Variants in KCNQ5 observed in about 807,000 individuals in gnomAD.
KCNQ5 encodes the protein potassium voltage-gated channel subfamily Q member 5.
In KCNQ5, 30 loss-of-function variants were observed where a neutral mutation model predicts 98.2. The observed-to-expected ratio is 0.31, with a 90% CI of 0.23 to 0.41. KCNQ5 has a LOEUF of 0.41. Among genes scored for constraint, KCNQ5 ranks in the 10% least tolerant of loss-of-function variants. The probability of loss-of-function intolerance (pLI) is 1.00; values close to 1 mark genes in which losing one functional copy is unlikely to be tolerated. For synonymous variants in KCNQ5, 458 were observed against 449.4 expected (o/e 1.02, Z -0.24); for missense variants, 835 against 1,182.5 (o/e 0.71, Z 4.31).
At chr6:72,926,602 A>G (rs1342036603) in intron 1 of KCNQ5, among the ~76,000 whole-genome samples, 4 of 152,154 alleles carry the variant, frequency 2.6e-5, no homozygotes, top group Non-Finnish European at 5.9e-5. Context: ...AATTATTTGA[A>G]GAGAAAAACT....
intron 5 of KCNQ5, among the ~76,000 whole-genome samples, chr6:73,097,626 G>T (rs1414575786): frequency 6.6e-6 from 1 of 152,146 alleles, no homozygotes; most frequent in Non-Finnish European, 1.5e-5. Context: ...AAGGCTGCTT[G>T]TGTCGCCCCT....
chr6:72,875,245 A>C lies in KCNQ5; in HGVS notation c.399-128663A>C, dbSNP rs533197605. ...ATCCCTTGGCTTTGTTTTATGCAGA[A>C]TCTCTCAGATGCATCATTATTCCTC... On this transcript the variant is annotated intron_variant, in intron 1 of 13. Coordinates refer to ENST00000370398, the MANE Select transcript of KCNQ5 (RefSeq NM_019842.4). Among the ~76,000 whole-genome samples, 38 of 152,348 alleles carry C rather than the reference A, an allele frequency of 2.5e-4. No homozygotes were observed. In the South Asian group the frequency reaches 7.7e-3, roughly 31 times the overall value.
chr6:73,073,613 T>C lies in KCNQ5; in HGVS notation c.617-3709T>C, dbSNP rs182873224. On this transcript the variant is annotated intron_variant, in intron 3 of 13. Coordinates refer to ENST00000370398, the MANE Select transcript of KCNQ5 (RefSeq NM_019842.4). ...ATAGTAGGGACTTGATCAATAATTG[T>C]GATGGATGGATGGTCAGATGAATGA... is the stretch of plus-strand genomic sequence containing the variant. Among the ~76,000 whole-genome samples, 3 of 152,302 alleles carry C rather than the reference T, an allele frequency of 2.0e-5. No homozygotes were observed. The East Asian group carries it at 5.8e-4, about 29-fold the overall frequency.
intron 1 of KCNQ5, among the ~76,000 whole-genome samples, chr6:72,844,714 A>G (rs1776946648): frequency 6.6e-6 from 1 of 152,208 alleles, no homozygotes; most frequent in African/African-American, 2.4e-5. Flanking sequence ...AAAAAGTAAA[A>G]CAAATTGTAA....
intron 1 of KCNQ5, among the ~76,000 whole-genome samples, chr6:72,922,931 C>T (rs917148373): frequency 2.0e-5 from 3 of 150,030 alleles, no homozygotes; most frequent in Non-Finnish European, 3.0e-5. Flanking sequence ...CCTGCCTCAA[C>T]CCCCCAAGTA....
chr6:72,651,146 C>T (rs1323101873), intron 1 of KCNQ5, among the ~76,000 whole-genome samples: 1 of 152,028 alleles, frequency 6.6e-6, no homozygotes, highest in Non-Finnish European at 1.5e-5. Flanking sequence ...ATAGCTACCC[C>T]CTTATGGTAT....
chr6:72,995,289 A>T (rs1361165873), intron 1 of KCNQ5, among the ~76,000 whole-genome samples: 2 of 150,544 alleles, frequency 1.3e-5, no homozygotes, highest in Non-Finnish European at 2.9e-5. Context: ...AATCGCTTGA[A>T]CCCAGGAGGT....
chr6:72,935,390 C>T, intron 1 of KCNQ5, among the ~76,000 whole-genome samples: 1 of 152,030 alleles, frequency 6.6e-6, no homozygotes, highest in East Asian at 1.9e-4. Flanking sequence ...CTATCTTTGT[C>T]TTGTGCCTGA....
intron 1 of KCNQ5, among the ~76,000 whole-genome samples, chr6:72,646,376 A>G (rs923264527): frequency 2.0e-5 from 3 of 152,164 alleles, no homozygotes; most frequent in African/African-American, 4.8e-5. Flanking sequence ...TAAATTTTGT[A>G]AATGTATGGA....
rs1289279155 is a variant in KCNQ5 at position 73,195,312 on chromosome 6, A to G, written c.2697A>G (p.Ala899=). Residue 899 remains alanine, a synonymous_variant, in exon 14 of 14, where the codon GCA becomes GCG. Coordinates refer to ENST00000370398, the MANE Select transcript of KCNQ5 (RefSeq NM_019842.4). ...AGCCTGCCAGGGAAGCTGCCTTTGC[A>G]TCAGACTCTCTAAGGACTGGAAGGT... The part of the protein sequence containing the change: ...APQPAREAAF[A]SDSLRTGRSR... The G allele has an allele frequency of 6.2e-7, 1 of 1,614,216 alleles. No individual in the cohort carries two copies. Among genetic ancestry groups the G allele is most frequent in the Admixed American group, 1.7e-5 (1 of 60,020 alleles).
chr6:72,903,237 A>G (rs1260565082), intron 1 of KCNQ5, among the ~76,000 whole-genome samples: 2 of 152,060 alleles, frequency 1.3e-5, no homozygotes, highest in African/African-American at 4.8e-5. Flanking sequence ...TTCTTGGTTA[A>G]TCTTGCTAAT....
At chr6:72,792,997 G>GT (rs1282062299) in intron 1 of KCNQ5, among the ~76,000 whole-genome samples, 1 of 152,166 alleles carries the variant, frequency 6.6e-6, no homozygotes, top group African/African-American at 2.4e-5. Flanking sequence ...TCCTGGGAGA[G>GT]TTTTTTTATG....
At chr6:73,141,785 T>G (rs1251464191) in intron 10 of KCNQ5, among the ~76,000 whole-genome samples, 3 of 152,224 alleles carry the variant, frequency 2.0e-5, no homozygotes, top group Non-Finnish European at 4.4e-5. Context: ...AAAGTGTGTG[T>G]GCATGTCCAC....
chr6:72,852,334 A>G (rs1260219790), intron 1 of KCNQ5, among the ~76,000 whole-genome samples: 1 of 152,046 alleles, frequency 6.6e-6, no homozygotes, highest in African/African-American at 2.4e-5. Context: ...CATTATTCAC[A>G]GTAGCCAAAA....
At chr6:72,704,743 C>T (rs1416559503) in intron 1 of KCNQ5, among the ~76,000 whole-genome samples, 1 of 151,984 alleles carries the variant, frequency 6.6e-6, no homozygotes, top group Non-Finnish European at 1.5e-5. Context: ...GTATCTTAAT[C>T]CTATTGCAAA....
At chr6:73,153,154 T>C (rs137931072) in intron 10 of KCNQ5, among the ~76,000 whole-genome samples, 29 of 152,264 alleles carry the variant, frequency 1.9e-4, no homozygotes, top group Non-Finnish European at 1.0e-4. Context: ...CCTGAGCCTT[T>C]TGAGTTTTCC....
Position 73,130,139 on chromosome 6 carries a change from T to C in KCNQ5, c.1248-3282T>C, listed in dbSNP as rs553154007. Among the ~76,000 whole-genome samples the C allele has an allele frequency of 3.5e-4, 54 of 152,342 alleles. 1 individual carries two copies. The South Asian group carries it at 0.011, about 32-fold the overall frequency. ...TGCTGAGCTGCTGCACGCACTGGATTGTTATGGCTCAGTTGCCATATTGTG... is the reference window on the plus strand; with the variant it reads ...TGCTGAGCTGCTGCACGCACTGGATCGTTATGGCTCAGTTGCCATATTGTG... On this transcript the variant is annotated intron_variant, in intron 9 of 13. Transcript: ENST00000370398.
chr6:72,695,541 T>C (rs17729195), intron 1 of KCNQ5, among the ~76,000 whole-genome samples: 19,806 of 152,210 alleles, frequency 0.13, 1,372 homozygotes, highest in South Asian at 0.19. Context: ...TTATTATCTT[T>C]AAATGTTCAC....
chr6:72,691,763 C>T (rs911055302), intron 1 of KCNQ5, among the ~76,000 whole-genome samples: 1 of 152,162 alleles, frequency 6.6e-6, no homozygotes, highest in African/African-American at 2.4e-5. Context: ...ACATTGTTCA[C>T]TGGGGCAAGA....
Sources: gnomAD v4.1 joint callset for allele counts (sites outside exome capture counted in the v4.1 genomes callset) on GRCh38, gnomAD v4.1.1 for gene constraint, MANE v1.5 for transcripts, NCBI Gene and HGNC (gene_info 2026-07-23, HGNC 2026-07-21) for gene names.